APOB: variants seen among roughly 807,000 people sequenced by gnomAD.
The protein encoded by APOB is apolipoprotein B-100.
Under a neutral mutation model 314.1 loss-of-function variants are expected in APOB, and 153 were observed. The observed-to-expected ratio is 0.49, with a 90% CI of 0.43 to 0.56. APOB has a LOEUF of 0.56. Ranked by LOEUF, APOB falls within the 20% of genes least tolerant of loss-of-function variation. The pLI is 0.00. For missense variants in APOB, 5,430 were observed against 5,350.7 expected, an observed-to-expected ratio of 1.01 and a Z score of -0.46; for synonymous variants, 2,087 against 2,036.4, an observed-to-expected ratio of 1.02 and a Z score of -0.67.
intron 25 of APOB, among the ~76,000 whole-genome samples, 162 bp downstream of exon 25, chr2:21,012,998 G>A (rs1250711469): frequency 2.0e-5 from 3 of 152,212 alleles, no homozygotes; most frequent in Non-Finnish European, 2.9e-5. Flanking sequence ...CACGTGATAT[G>A]TTTAATAAAT....
rs764459989 is a variant in APOB, at chr2:21,003,067, C to A, written c.12355G>T (p.Ala4119Ser). ...TCGATATCATCAATTTGCCTAATGG[C>A]CCCTTGATAAACCCACTCAGCATTG... Reference protein sequence around the residue: ...QNNAEWVYQGAIRQIDDIDVR... With the variant: ...QNNAEWVYQGSIRQIDDIDVR... The change falls in exon 29 of 29, where the codon GCC becomes TCC. Residue 4119 changes from alanine to serine, a missense_variant. Physicochemically the swap from Ala to Ser is moderately conservative, Grantham distance 99. This residue lies in a region of APOB where 3,281 missense variants were observed against 3,171.0 expected (regional missense o/e 1.03). Transcript: ENST00000233242. The A allele has an allele frequency of 2.5e-6, 4 of 1,575,190 alleles. No homozygotes were observed. Among genetic ancestry groups the A allele is most frequent in the African/African-American group, 2.7e-5 (2 of 73,532 alleles).
intron 3 of APOB, among the ~76,000 whole-genome samples, chr2:21,042,005 G>A (rs944432487): frequency 6.6e-6 from 1 of 152,164 alleles, no homozygotes; most frequent in African/African-American, 2.4e-5. Flanking sequence ...GCATTTCACA[G>A]TGCGATTCCG....
chr2:21,020,423 T>A (rs1663578598), intron 18 of APOB, among the ~76,000 whole-genome samples: 2 of 152,232 alleles, frequency 1.3e-5, no homozygotes, highest in African/African-American at 4.8e-5. Flanking sequence ...CTTTGCAGTC[T>A]CTACTTCCTC....
In APOB at chr2:21,002,661, G is replaced by A. The variant is rs758637006; in HGVS notation, c.12761C>T (p.Pro4254Leu). Residue 4254 changes from proline (P) to leucine (L), a missense_variant, in exon 29 of 29, where the codon CCT becomes CTT. By Grantham distance (98) the Pro-to-Leu change is moderately conservative. This residue lies in a region of APOB where 3,281 missense variants were observed against 3,171.0 expected (regional missense o/e 1.03). Coordinates refer to ENST00000233242, the MANE Select transcript of APOB (RefSeq NM_000384.3). The stretch of plus-strand genomic sequence containing the variant: ...TAGTTTATGTTTCCTTAACTCGAAA[G>A]GAAGTGTAATCACTAGGTCTTGGAA... ...SYFQDLVITLPFELRKHKLID... is the reference protein window; with the variant it reads ...SYFQDLVITLLFELRKHKLID... 28 of 1,613,686 alleles carry A rather than the reference G, an allele frequency of 1.7e-5. No homozygotes were observed. The highest frequency in any genetic ancestry group is 2.7e-5 in the African/African-American group (2 of 74,860).
At chr2:21,021,120 C>T (rs541536268) in intron 18 of APOB, among the ~76,000 whole-genome samples, 5 of 152,320 alleles carry the variant, frequency 3.3e-5, no homozygotes, top group African/African-American at 7.2e-5. Flanking sequence ...CTGGTTGTTT[C>T]ATAGGAGGAC....
intron 5 of APOB, 135 bp from the exon 6 acceptor site, chr2:21,037,390 T>C: frequency 9.9e-7 from 1 of 1,008,512 alleles, no homozygotes; most frequent in Non-Finnish European, 1.5e-6. Context: ...TTTTTCTTCC[T>C]ATGCAGAGTG....
chr2:21,016,734 C>T (rs748915808), intron 20 of APOB, 85 bp from the exon 21 acceptor site: 5 of 891,352 alleles, frequency 5.6e-6, no homozygotes, highest in Non-Finnish European at 9.5e-6. Flanking sequence ...CCTGTAATCC[C>T]AGCACTTTGG....
chr2:21,010,378 T>C lies in APOB; in HGVS notation c.6490A>G (p.Lys2164Glu). 1 of 1,582,268 alleles carries C rather than the reference T, an allele frequency of 6.3e-7. No individual in the cohort carries two copies. The highest frequency in any genetic ancestry group is 1.2e-5 in the South Asian group (1 of 85,934). Reference sequence around the variant, plus strand: ...GATAGTTTTTCATTAAAGTTGATTTTGGCATCATCTAATGCAATTTGTATA... The same window carrying C: ...GATAGTTTTTCATTAAAGTTGATTTCGGCATCATCTAATGCAATTTGTATA... ...NDIQIALDDA[K>E]INFNEKLSQL... The change falls in exon 26 of 29, where the codon AAA becomes GAA. Residue 2164 changes from lysine (K) to glutamate (E), a missense_variant. Physicochemically the swap from Lys to Glu is moderately conservative, Grantham distance 56 (BLOSUM62 1). This residue lies in a region of APOB where 3,281 missense variants were observed against 3,171.0 expected (regional missense o/e 1.03). Transcript: ENST00000233242.
At chr2:21,038,731 G>T (rs928364998) in intron 4 of APOB, among the ~76,000 whole-genome samples, 1 of 152,192 alleles carries the variant, frequency 6.6e-6, no homozygotes, top group African/African-American at 2.4e-5. Context: ...ACACCCGAGT[G>T]GTTGTTCCAT....
At chr2:21,035,737 T>G in intron 6 of APOB, 29 bp from the exon 7 acceptor site, 1 of 1,613,082 alleles carries the variant, frequency 6.2e-7, no homozygotes, top group Non-Finnish European at 8.5e-7. Context: ...ACGAGCATTT[T>G]GATCAGTCCC....
rs377179209 is a variant in APOB, at chr2:21,027,944, C to G, written c.1951G>C (p.Ala651Pro). ...KSVSLPSLDP[A>P]SAKIEGNLIF... ...AGATTCCCTTCTATTTTGGCTGAGGCTGGGTCAAGTGATGGAAGAGAAACA... is the reference window on the plus strand; with the variant it reads ...AGATTCCCTTCTATTTTGGCTGAGGGTGGGTCAAGTGATGGAAGAGAAACA... Residue 651 changes from alanine to proline, a missense_variant, in exon 14 of 29, where the codon GCC (alanine) becomes CCC (proline). By Grantham distance (27) the Ala-to-Pro change is conservative (BLOSUM62 -1). Transcript: ENST00000233242. The G allele has an allele frequency of 5.6e-6, 9 of 1,613,872 alleles. No individual in the cohort carries two copies. In the African/African-American group the frequency reaches 1.1e-4, roughly 19 times the overall value.
chr2:21,040,657 A>G (rs942742051), intron 4 of APOB, among the ~76,000 whole-genome samples: 2 of 152,236 alleles, frequency 1.3e-5, no homozygotes, highest in African/African-American at 4.8e-5. Context: ...TTAAATAAGA[A>G]TTCACTTGTT....
At chr2:21,036,582 A>C (rs1038923658) in intron 6 of APOB, among the ~76,000 whole-genome samples, 2 of 152,046 alleles carry the variant, frequency 1.3e-5, no homozygotes, top group Non-Finnish European at 1.5e-5. Flanking sequence ...CAGTGGGGCC[A>C]TGTTTGGTCA....
Position 21,009,228 on chromosome 2 carries a change from A to G in APOB, c.7640T>C (p.Val2547Ala). 1 of 1,614,066 alleles carries G rather than the reference A, an allele frequency of 6.2e-7. No homozygotes were observed. Among genetic ancestry groups the G allele is most frequent in the Non-Finnish European group, 8.5e-7 (1 of 1,179,966 alleles). ...AGTCCACCAATCAGAAATGTAGGTG[A>G]CAAGTGTGCTATAAACCTGGCCTAC... ...SLVGQVYSTL[V>A]TYISDWWTLA... is the part of the protein sequence containing the mutation. The change falls in exon 26 of 29, where the codon GTC (valine) becomes GCC (alanine). Residue 2547 changes from valine to alanine, a missense_variant. Physicochemically the swap from Val to Ala is moderately conservative, Grantham distance 64. Around this residue, in one of 3 missense-constraint regions of APOB, gnomAD observed 3,281 missense variants for 3,171.0 expected, o/e 1.03. Coordinates refer to ENST00000233242, the MANE Select transcript of APOB (RefSeq NM_000384.3).
rs935161396 is a variant in APOB, at chr2:21,014,581, A to C, written c.3709T>G (p.Trp1237Gly). 3.1e-6 allele frequency: 5 copies of C among 1,614,112 alleles called. No individual in the cohort carries two copies. The highest frequency in any genetic ancestry group is 1.7e-5 in the Admixed American group (1 of 60,026). The change falls in exon 24 of 29, where the codon TGG becomes GGG. Residue 1237 changes from tryptophan to glycine, a missense_variant. Trp to Gly is a radical substitution (Grantham distance 184). Transcript: ENST00000233242. The stretch of plus-strand genomic sequence containing the variant: ...AGACTCCCAGATGCCTTCTGAAGCC[A>C]TGAGCTCATTGCCTACAAAATGACA... ...GSKLIVAMSS[W>G]LQKASGSLPY...
Position 21,005,512 on chromosome 2 carries a change from G to T in APOB, c.11356C>A (p.Leu3786Ile). The part of the protein sequence containing the change: ...TSSFALNLPT[L>I]PEVKFPEVDV... The stretch of plus-strand genomic sequence containing the variant: ...ACTTCAGGGAATTTTACCTCGGGGA[G>T]TGTTGGTAGGTTGAGGGCAAATGAT... Residue 3786 changes from leucine to isoleucine, a missense_variant, in exon 26 of 29, where the codon CTC (leucine) becomes ATC (isoleucine). This residue lies in a region of APOB where 3,281 missense variants were observed against 3,171.0 expected (regional missense o/e 1.03). Coordinates refer to ENST00000233242, the MANE Select transcript of APOB (RefSeq NM_000384.3). The T allele has an allele frequency of 6.2e-7, 1 of 1,614,048 alleles. No individual in the cohort carries two copies. Among genetic ancestry groups the T allele is most frequent in the South Asian group, 1.1e-5 (1 of 91,086 alleles).
At chr2:21,041,924 T>C (rs1664141834) in intron 3 of APOB, among the ~76,000 whole-genome samples, 1 of 152,202 alleles carries the variant, frequency 6.6e-6, no homozygotes, top group Non-Finnish European at 1.5e-5. Context: ...ACAAACTGTA[T>C]GTTTATATTT....
intron 11 of APOB, 31 bp downstream of exon 11, chr2:21,029,867 T>C: frequency 6.2e-7 from 1 of 1,609,124 alleles, no homozygotes; most frequent in African/African-American, 1.3e-5. Flanking sequence ...GCTTCTGAAA[T>C]GATGTATGTC....
rs758633082 is a variant in APOB, at chr2:21,038,122, G to A, written c.384-11C>T. Reference sequence around the variant, plus strand: ...AGCTTGAGCTCATACCTGTCCCAGAGAGAGGATGGTCACGGAAATGTCCTT... The same window carrying A: ...AGCTTGAGCTCATACCTGTCCCAGAAAGAGGATGGTCACGGAAATGTCCTT... On this transcript the variant is annotated splice_polypyrimidine_tract_variant and intron_variant, in intron 4 of 28. Coordinates refer to ENST00000233242, the MANE Select transcript of APOB (RefSeq NM_000384.3). 6.2e-7 allele frequency: 1 copy of A among 1,613,718 alleles called. No homozygotes were observed. Among genetic ancestry groups the A allele is most frequent in the South Asian group, 1.1e-5 (1 of 91,044 alleles).
Sources: gnomAD v4.1 joint callset for allele counts (sites outside exome capture counted in the v4.1 genomes callset) on GRCh38, gnomAD v4.1.1 for gene constraint, gnomAD v4.1.1 regional missense constraint, MANE v1.5 for transcripts, NCBI Gene and HGNC (gene_info 2026-07-23, HGNC 2026-07-21) for gene names.